MBD5: variants seen among roughly 807,000 people sequenced by gnomAD.
The protein encoded by MBD5 is methyl-CpG binding domain protein 5, also known as methyl-CpG-binding domain protein 5.
In MBD5, 13 loss-of-function variants were observed where a neutral mutation model predicts 117.3. That is an observed-to-expected ratio of 0.11 (90% CI 0.07 to 0.18). MBD5 has a LOEUF of 0.18. Among genes scored for constraint, MBD5 ranks in the 10% least tolerant of loss-of-function variants. The pLI, the probability that MBD5 is intolerant of heterozygous loss-of-function variation, is 1.00. For missense variants in MBD5, 1,879 were observed against 2,093.8 expected, an observed-to-expected ratio of 0.90 and a Z score of 2.00; for synonymous variants, 727 against 766.4, an observed-to-expected ratio of 0.95 and a Z score of 0.85.
At chr2:148,386,718 CAAAAAAAAAAAAA>C (rs60766324) in intron 4 of MBD5, among the ~76,000 whole-genome samples, 9 of 104,236 alleles carry the variant, frequency 8.6e-5, no homozygotes, top group East Asian at 5.0e-4. Context: ...GACTCCGTCT[CAAAAAAAAAAAAA>C]AAAAAAAAAA....
intron 8 of MBD5, among the ~76,000 whole-genome samples, chr2:148,481,177 A>G (rs894990717): frequency 1.3e-5 from 2 of 152,206 alleles, no homozygotes; most frequent in African/African-American, 4.8e-5. Flanking sequence ...TCCCTGTATT[A>G]TCTATAATGA....
chr2:148,167,065 T>G (rs1698142785), intron 1 of MBD5, among the ~76,000 whole-genome samples: 1 of 152,194 alleles, frequency 6.6e-6, no homozygotes, highest in South Asian at 2.1e-4. Context: ...AGAGCTTGTT[T>G]ATATAAAGTC....
Position 148,510,061 on chromosome 2 carries a change from A to G in MBD5, c.5038A>G (p.Ser1680Gly), listed in dbSNP as rs1166945969. 5 of 1,606,560 alleles carry G rather than the reference A, an allele frequency of 3.1e-6. No homozygotes were observed. The highest frequency in any genetic ancestry group is 2.6e-6 in the Non-Finnish European group (3 of 1,173,512). ...YSRVRKRNRKSGKLNNHLEAA... is the reference protein window; with the variant it reads ...YSRVRKRNRKGGKLNNHLEAA... ...GTGTGTTGTTTTCATTAATTCCAGA[A>G]GTGGAAAGCTAAATAACCATTTAGA... Residue 1680 changes from serine to glycine, a missense_variant and splice_region_variant, in exon 13 of 14, where the codon AGT (serine) becomes GGT (glycine). Coordinates refer to ENST00000642680, the MANE Select transcript of MBD5 (RefSeq NM_001378120.1).
At chr2:148,042,392 C>A (rs140570216) in intron 1 of MBD5, among the ~76,000 whole-genome samples, 219 of 151,644 alleles carry the variant, frequency 1.4e-3, no homozygotes, top group African/African-American at 5.1e-3. Context: ...GTATTTATGA[C>A]TTACAGAAAA....
intron 3 of MBD5, among the ~76,000 whole-genome samples, chr2:148,329,429 C>T (rs546963877): frequency 6.6e-6 from 1 of 152,260 alleles, no homozygotes; most frequent in African/African-American, 2.4e-5. Flanking sequence ...TTTATGAAAT[C>T]ATCTTTTTAA....
At chr2:148,242,068 C>T (rs1274805186) in intron 3 of MBD5, among the ~76,000 whole-genome samples, 3 of 152,066 alleles carry the variant, frequency 2.0e-5, no homozygotes, top group African/African-American at 4.8e-5. Flanking sequence ...TACTGTGTTA[C>T]TCCAAATTTC....
At chr2:148,288,139 G>C (rs13427917) in intron 3 of MBD5, among the ~76,000 whole-genome samples, 1 of 151,004 alleles carries the variant, frequency 6.6e-6, no homozygotes, top group African/African-American at 2.4e-5. Flanking sequence ...GGTGGCTCAC[G>C]CCTGTAATCC....
At chr2:148,336,033 G>A (rs1453987100) in intron 3 of MBD5, among the ~76,000 whole-genome samples, 1 of 152,162 alleles carries the variant, frequency 6.6e-6, no homozygotes, top group Non-Finnish European at 1.5e-5. Context: ...CCACATATGG[G>A]ACTGCAATAA....
Position 148,021,275 on chromosome 2 carries a change from C to G in MBD5, c.-1334C>G, listed in dbSNP as rs1016926228. The G allele has an allele frequency of 2.8e-6, 1 of 356,182 alleles. No individual in the cohort carries two copies. The highest frequency in any genetic ancestry group is 5.5e-6 in the Non-Finnish European group (1 of 180,272). The allele number at this position is 356,182 out of a possible 1,614,324, so 22.1% of individuals were successfully genotyped here. A position where few individuals can be genotyped will look rare whatever the true frequency, so the allele number is the denominator to read the frequency against. On this transcript the variant is annotated 5_prime_UTR_variant, in exon 1 of 14. Transcript: ENST00000642680. Reference sequence around the variant, plus strand: ...TTCCCCCACCCTCCAGCCCTGAGCCCTGAGAGGGGGATTGAGCCTGAGAGA... The same window carrying G: ...TTCCCCCACCCTCCAGCCCTGAGCCGTGAGAGGGGGATTGAGCCTGAGAGA...
chr2:148,207,881 A>T (rs1207846956), intron 2 of MBD5, among the ~76,000 whole-genome samples: 4 of 152,202 alleles, frequency 2.6e-5, no homozygotes, highest in Non-Finnish European at 4.4e-5. Flanking sequence ...GTTAAGCCCT[A>T]GCACCCTAAA....
intron 4 of MBD5, among the ~76,000 whole-genome samples, chr2:148,375,287 T>C (rs576034834): frequency 1.4e-4 from 21 of 152,342 alleles, no homozygotes; most frequent in African/African-American, 5.1e-4. Context: ...CACTGACCAG[T>C]ATAACAGCAA....
At chr2:148,082,918 T>A (rs1248579163) in intron 1 of MBD5, among the ~76,000 whole-genome samples, 2 of 152,204 alleles carry the variant, frequency 1.3e-5, no homozygotes, top group African/African-American at 4.8e-5. Flanking sequence ...AGGTATCATC[T>A]CATTGTCTTT....
chr2:148,267,485 A>T (rs559748061), intron 3 of MBD5, among the ~76,000 whole-genome samples: 1 of 152,180 alleles, frequency 6.6e-6, no homozygotes, highest in Non-Finnish European at 1.5e-5. Context: ...GTAACTTTTA[A>T]TCGAATCACA....
At chr2:148,433,019 T>A (rs1706038815) in intron 4 of MBD5, among the ~76,000 whole-genome samples, 1 of 152,144 alleles carries the variant, frequency 6.6e-6, no homozygotes, top group South Asian at 2.1e-4. Flanking sequence ...TTTAAATTTG[T>A]CTGTATTGTC....
At chr2:148,030,815 T>C (rs1694018698) in intron 1 of MBD5, among the ~76,000 whole-genome samples, 1 of 152,162 alleles carries the variant, frequency 6.6e-6, no homozygotes, top group Non-Finnish European at 1.5e-5. Context: ...CATGAATATA[T>C]CCCTAGAATA....
intron 3 of MBD5, among the ~76,000 whole-genome samples, chr2:148,294,507 T>TG (rs1701595582): frequency 3.2e-5 from 4 of 124,214 alleles, no homozygotes; most frequent in African/African-American, 1.3e-4. Flanking sequence ...TACAGTTTTT[T>TG]TTTTTTTTTT....
At chr2:148,248,415 T>C (rs1423229781) in intron 3 of MBD5, among the ~76,000 whole-genome samples, 1 of 152,078 alleles carries the variant, frequency 6.6e-6, no homozygotes, top group Non-Finnish European at 1.5e-5. Context: ...AGCCAAGAAC[T>C]TAAGGTAGTC....
intron 1 of MBD5, among the ~76,000 whole-genome samples, chr2:148,035,446 G>T (rs2105625188): frequency 6.6e-6 from 1 of 151,922 alleles, no homozygotes; most frequent in South Asian, 2.1e-4. Context: ...TTTTTCTGAG[G>T]ACTGATATAC....
At chr2:148,033,131 A>G (rs2105604385) in intron 1 of MBD5, among the ~76,000 whole-genome samples, 1 of 152,288 alleles carries the variant, frequency 6.6e-6, no homozygotes, top group Middle Eastern at 3.4e-3. Context: ...ACCAAGGTAG[A>G]AGGAGAGTAG....
Sources: allele counts gnomAD v4.1 joint callset (sites outside exome capture counted in the v4.1 genomes callset), GRCh38; gene constraint gnomAD v4.1.1; transcripts MANE v1.5; gene names NCBI Gene and HGNC (gene_info 2026-07-23, HGNC 2026-07-21).